Variants in EFL1 observed in about 807,000 individuals in gnomAD.
EFL1 encodes elongation factor like GTPase 1.
A neutral mutation model predicts 126.7 loss-of-function variants in EFL1; 76 were observed. That is an observed-to-expected ratio of 0.60 (90% CI 0.50 to 0.73). The LOEUF is 0.73. Ranked by LOEUF, EFL1 falls within the 30% of genes least tolerant of loss-of-function variation. The pLI is 0.00. For synonymous variants in EFL1, 410 were observed against 448.4 expected, an observed-to-expected ratio of 0.91 and a Z score of 1.08; for missense variants, 1,128 against 1,343.2, an observed-to-expected ratio of 0.84 and a Z score of 2.50.
intron 7 of EFL1, among the ~76,000 whole-genome samples, chr15:82,235,686 G>A (rs1170798188): frequency 6.6e-6 from 1 of 151,754 alleles, no homozygotes; most frequent in African/African-American, 2.4e-5. Context: ...AGAATATTAG[G>A]GGACTTCCTC....
intron 15 of EFL1, among the ~76,000 whole-genome samples, chr15:82,185,870 C>G (rs2074298445): frequency 6.6e-6 from 1 of 152,052 alleles, no homozygotes; most frequent in African/African-American, 2.4e-5. Flanking sequence ...GAAAAGTATA[C>G]AGTATTTTCT....
In EFL1 at chr15:82,241,401, T is replaced by C. The variant is rs140669013; in HGVS notation, c.247A>G (p.Asn83Asp). ...ATCAGATTGATCAGGTACTCCTCAT[T>C]ACCTAAAATACAATTTGTAAACACA... Reference protein sequence around the residue: ...SAISLHYATGNEEYLINLIDS... With the variant: ...SAISLHYATGDEEYLINLIDS... Residue 83 changes from asparagine (N) to aspartate (D), a missense_variant and splice_region_variant, in exon 5 of 20, where the codon AAT becomes GAT. By Grantham distance (23) the Asn-to-Asp change is conservative. Coordinates refer to ENST00000268206, the MANE Select transcript of EFL1 (RefSeq NM_024580.6). 3,662 of 1,612,490 alleles carry C rather than the reference T, an allele frequency of 2.3e-3. 93 individuals are homozygous for C. The African/African-American group carries it at 0.042, about 19-fold the overall frequency.
chr15:82,159,676 T>C (rs1475333330), intron 16 of EFL1, among the ~76,000 whole-genome samples: 5 of 152,166 alleles, frequency 3.3e-5, no homozygotes, highest in Admixed American at 6.5e-5. Flanking sequence ...TCAATAAAGA[T>C]ATAAGAATTA....
At chr15:82,262,398 G>C (rs1050990135) in intron 1 of EFL1, 7 of 163,170 alleles carry the variant, frequency 4.3e-5, no homozygotes, top group Non-Finnish European at 7.9e-5. Flanking sequence ...ATTTCTGCAG[G>C]GTCCCAGATT....
chr15:82,261,631 A>G (rs146905221), intron 2 of EFL1, 57 bp downstream of exon 2: 18 of 1,513,330 alleles, frequency 1.2e-5, no homozygotes, highest in East Asian at 2.3e-5. Context: ...CCACTGAGAC[A>G]TACAGAGACA....
At chr15:82,226,377 C>T (rs1390663770) in intron 11 of EFL1, among the ~76,000 whole-genome samples, 1 of 151,992 alleles carries the variant, frequency 6.6e-6, no homozygotes, top group African/African-American at 2.4e-5. Context: ...CCATGTTGGC[C>T]AGGAAGTGAA....
intron 15 of EFL1, among the ~76,000 whole-genome samples, chr15:82,174,952 C>G (rs2074178904): frequency 6.6e-6 from 1 of 152,234 alleles, no homozygotes; most frequent in Non-Finnish European, 1.5e-5. Flanking sequence ...AGCGCAGGCT[C>G]TGAACAGTTG....
Position 82,230,888 on chromosome 15 carries a change from T to C in EFL1, c.815A>G (p.Tyr272Cys), listed in dbSNP as rs774987651. 5.0e-6 allele frequency: 8 copies of C among 1,613,178 alleles called. No individual in the cohort carries two copies. Among genetic ancestry groups the C allele is most frequent in the Non-Finnish European group, 4.2e-6 (5 of 1,179,542 alleles). ...VLMKTLWGDY[Y>C]INMKAKKIMK... is the part of the protein sequence containing the mutation. ...GATCTTTTTAGCCTTCATATTTATA[T>C]AGTAATCTCCCCACAAGGTTTTCAT... The change falls in exon 8 of 20, where the codon TAT (tyrosine) becomes TGT (cysteine). Residue 272 changes from tyrosine (Y) to cysteine (C), a missense_variant. Transcript: ENST00000268206.
At chr15:82,164,489 C>T (rs1019289578) in intron 15 of EFL1, among the ~76,000 whole-genome samples, 1 of 152,132 alleles carries the variant, frequency 6.6e-6, no homozygotes, top group Non-Finnish European at 1.5e-5. Context: ...GAATCCTAGT[C>T]AACCCCTTCC....
chr15:82,140,247 C>A (rs2073771127), intron 18 of EFL1, among the ~76,000 whole-genome samples: 1 of 152,174 alleles, frequency 6.6e-6, no homozygotes, highest in Non-Finnish European at 1.5e-5. Context: ...TGTGCTCTTT[C>A]TTTAACATCT....
intron 15 of EFL1, among the ~76,000 whole-genome samples, chr15:82,206,406 T>C (rs1174744410): frequency 1.3e-5 from 2 of 152,064 alleles, no homozygotes; most frequent in Non-Finnish European, 2.9e-5. Flanking sequence ...ACTCAAGTAA[T>C]ATGGAAACAT....
rs183640160 is a variant in EFL1 at position 82,170,800 on chromosome 15, T to C, written c.1751-6816A>G. Among the ~76,000 whole-genome samples the C allele has an allele frequency of 3.6e-3, 547 of 152,368 alleles. 8 individuals carry two copies. Among genetic ancestry groups the C allele is most frequent in the African/African-American group, 0.013 (527 of 41,588 alleles). ...TCATATTCAGGATCAGATCCATTTA[T>C]GAGTTTTGTATCCTGTCCCATTTAC... On this transcript the variant is annotated intron_variant, in intron 15 of 19. Transcript: ENST00000268206.
At chr15:82,203,413 A>C (rs2074491524) in intron 15 of EFL1, among the ~76,000 whole-genome samples, 1 of 152,176 alleles carries the variant, frequency 6.6e-6, no homozygotes, top group Non-Finnish European at 1.5e-5. Flanking sequence ...CTGTCGCCCA[A>C]GCTGGAGTGC....
intron 12 of EFL1, 31 bp from the exon 13 acceptor site, chr15:82,220,260 C>A: frequency 1.9e-6 from 3 of 1,549,028 alleles, no homozygotes; most frequent in South Asian, 1.2e-5. Context: ...GCTGTCATCT[C>A]TCAGTTCATC....
At chr15:82,227,069 A>G (rs1230613649) in intron 11 of EFL1, among the ~76,000 whole-genome samples, 2 of 152,242 alleles carry the variant, frequency 1.3e-5, no homozygotes, top group Non-Finnish European at 2.9e-5. Context: ...GCCAAGAATA[A>G]CAGTGTAGTG....
chr15:82,171,362 G>C (rs2074133523), intron 15 of EFL1, among the ~76,000 whole-genome samples: 1 of 152,116 alleles, frequency 6.6e-6, no homozygotes, highest in African/African-American at 2.4e-5. Context: ...ACAGCGGTCT[G>C]TTAGACAACA....
rs751796260 is a variant in EFL1, at chr15:82,238,544, A to G, written c.517-23T>C. On this transcript the variant is annotated intron_variant, in intron 6 of 19. Coordinates refer to ENST00000268206, the MANE Select transcript of EFL1 (RefSeq NM_024580.6). ...AATCTAGGAGAGATGGTGAAATGGCAGAGCGTCATTCAGATGCTCAGCATG... is the reference window on the plus strand; with the variant it reads ...AATCTAGGAGAGATGGTGAAATGGCGGAGCGTCATTCAGATGCTCAGCATG... 13 of 1,564,760 alleles carry G rather than the reference A, an allele frequency of 8.3e-6. No individual in the cohort carries two copies. In the African/African-American group the frequency reaches 9.5e-5, roughly 11 times the overall value.
intron 7 of EFL1, among the ~76,000 whole-genome samples, chr15:82,235,841 A>G (rs1438818434): frequency 6.6e-6 from 1 of 152,188 alleles, no homozygotes; most frequent in African/African-American, 2.4e-5. Flanking sequence ...TGGAAATTCT[A>G]GCCAGTGCAA....
chr15:82,236,305 A>C (rs1295893529), intron 7 of EFL1, among the ~76,000 whole-genome samples: 1 of 152,250 alleles, frequency 6.6e-6, no homozygotes, highest in African/African-American at 2.4e-5. Flanking sequence ...TTTTGCAGAT[A>C]TAGGTAAGAT....
Sources: allele counts gnomAD v4.1 joint callset (sites outside exome capture counted in the v4.1 genomes callset), GRCh38; gene constraint gnomAD v4.1.1; transcripts MANE v1.5; gene names NCBI Gene and HGNC (gene_info 2026-07-23, HGNC 2026-07-21).